NRG1: variants seen among roughly 807,000 people sequenced by gnomAD.
NRG1 encodes neuregulin 1, also known as pro-neuregulin-1, membrane-bound isoform.
A neutral mutation model predicts 63.8 loss-of-function variants in NRG1; 18 were observed. That is an observed-to-expected ratio of 0.28 (90% CI 0.19 to 0.42). NRG1 has a LOEUF of 0.42. NRG1 is among the 10% of genes least tolerant of loss of function. NRG1 has a pLI of 1.00. For missense variants in NRG1, 762 were observed against 814.7 expected, an observed-to-expected ratio of 0.94 and a Z score of 0.79; for synonymous variants, 302 against 301.3, an observed-to-expected ratio of 1.00 and a Z score of -0.02.
intron 7 of NRG1, chr8:32,749,633 G>T: frequency 6.3e-7 from 1 of 1,589,990 alleles, no homozygotes; most frequent in South Asian, 1.1e-5. Context: ...TAGAGCCTAT[G>T]AGCTGAAATC....
At chr8:32,252,496 G>A (rs905288657) in intron 1 of NRG1, among the ~76,000 whole-genome samples, 4 of 152,164 alleles carry the variant, frequency 2.6e-5, no homozygotes, top group South Asian at 2.1e-4. Flanking sequence ...TAAAAAATCA[G>A]ATAGTTGTAG....
intron 1 of NRG1, among the ~76,000 whole-genome samples, chr8:31,699,838 A>G (rs2131181943): frequency 6.6e-6 from 1 of 152,288 alleles, no homozygotes; most frequent in Admixed American, 6.5e-5. Flanking sequence ...ACTGAGTGGG[A>G]GAGGCAGAGG....
chr8:32,024,091 C>G (rs1816872949), intron 1 of NRG1, among the ~76,000 whole-genome samples: 1 of 152,178 alleles, frequency 6.6e-6, no homozygotes, highest in African/African-American at 2.4e-5. Flanking sequence ...CTTCATTGCC[C>G]TGCCTAAACT....
chr8:32,756,077 A>G (rs1194514562), intron 8 of NRG1, among the ~76,000 whole-genome samples: 1 of 152,188 alleles, frequency 6.6e-6, no homozygotes, highest in African/African-American at 2.4e-5. Context: ...ATAAGTGTCC[A>G]TTTGTAAGAC....
At chr8:32,532,962 G>GT (rs1831600775) in intron 1 of NRG1, among the ~76,000 whole-genome samples, 1 of 151,350 alleles carries the variant, frequency 6.6e-6, no homozygotes, top group Non-Finnish European at 1.5e-5. Flanking sequence ...ATATTCATGT[G>GT]TATGTTTTGG....
chr8:32,323,100 T>G (rs2129476918), intron 1 of NRG1, among the ~76,000 whole-genome samples: 1 of 152,164 alleles, frequency 6.6e-6, no homozygotes, highest in South Asian at 2.1e-4. Context: ...TACACAAAGC[T>G]TTAAAAAAAG....
intron 5 of NRG1, among the ~76,000 whole-genome samples, chr8:32,648,565 C>T (rs1854231256): frequency 2.6e-5 from 4 of 152,244 alleles, no homozygotes; most frequent in Middle Eastern, 6.8e-3. Context: ...TTGCAAACTC[C>T]GGATCTGAAC....
At chr8:31,695,402 T>G (rs923819765) in intron 1 of NRG1, among the ~76,000 whole-genome samples, 1 of 152,234 alleles carries the variant, frequency 6.6e-6, no homozygotes, top group African/African-American at 2.4e-5. Flanking sequence ...ACTCCTGGCC[T>G]TAAGTGATCT....
chr8:31,754,423 C>T (rs1461289960), intron 1 of NRG1, among the ~76,000 whole-genome samples: 1 of 152,050 alleles, frequency 6.6e-6, no homozygotes, highest in Non-Finnish European at 1.5e-5. Context: ...GGCCGTGTGA[C>T]GTGGCTACAC....
At chr8:32,068,467 T>G (rs1378033430) in intron 1 of NRG1, among the ~76,000 whole-genome samples, 1 of 152,156 alleles carries the variant, frequency 6.6e-6, no homozygotes, top group Non-Finnish European at 1.5e-5. Flanking sequence ...AAGACATGCA[T>G]GAAAGGCCAC....
chr8:32,614,646 C>G (rs568126472), intron 4 of NRG1, 82 bp downstream of exon 4: 410 of 1,261,726 alleles, frequency 3.2e-4, no homozygotes, highest in Non-Finnish European at 4.3e-4. Flanking sequence ...AATCAGAACC[C>G]CTTCTGCATC....
chr8:32,142,067 T>G (rs1319171363), intron 1 of NRG1, among the ~76,000 whole-genome samples: 2 of 152,138 alleles, frequency 1.3e-5, no homozygotes, highest in African/African-American at 4.8e-5. Context: ...CTATTTGCAC[T>G]GCATGAAAAC....
chr8:32,164,641 A>AGT lies in NRG1; in HGVS notation c.38-431187_38-431186insGT, dbSNP rs879531962. 4.4e-3 allele frequency among the ~76,000 whole-genome samples: 673 copies of AGT among 152,316 alleles called. 2 individuals carry two copies. The highest frequency in any genetic ancestry group is 7.4e-3 in the Non-Finnish European group (505 of 68,032). ...TTTAAAACTACCATCCATTGTCATC[A>AGT]TTATTCCATAAAAAGAGGTATTTTA... On this transcript the variant is annotated intron_variant, in intron 1 of 10. Transcript: ENST00000519301.
At chr8:31,861,429 G>T (rs1054132975) in intron 1 of NRG1, among the ~76,000 whole-genome samples, 1 of 151,934 alleles carries the variant, frequency 6.6e-6, no homozygotes, top group African/African-American at 2.4e-5. Context: ...AAAAGAATTT[G>T]TTTTCTTTTT....
intron 5 of NRG1, among the ~76,000 whole-genome samples, chr8:32,644,693 C>A (rs375023348): frequency 6.6e-6 from 1 of 152,176 alleles, no homozygotes; most frequent in South Asian, 2.1e-4. Flanking sequence ...TTGTGGCAGT[C>A]CATAGGATTC....
intron 1 of NRG1, among the ~76,000 whole-genome samples, chr8:31,770,339 C>G (rs1818484414): frequency 6.6e-6 from 1 of 151,994 alleles, no homozygotes; most frequent in Non-Finnish European, 1.5e-5. Context: ...TTTGTTTTGT[C>G]ATTTATCCTG....
chr8:31,878,183 G>T (rs149214071), intron 1 of NRG1, among the ~76,000 whole-genome samples: 1 of 152,226 alleles, frequency 6.6e-6, no homozygotes, highest in Admixed American at 6.5e-5. Context: ...CAGGCACCCA[G>T]GACTTTGCTA....
chr8:31,985,136 A>C (rs897264401), intron 1 of NRG1, among the ~76,000 whole-genome samples: 11 of 152,084 alleles, frequency 7.2e-5, no homozygotes, highest in Admixed American at 2.0e-4. Context: ...TGAGGTTCGT[A>C]ATCTGTTTTT....
chr8:32,087,209 G>A (rs1457942338), intron 1 of NRG1, among the ~76,000 whole-genome samples: 2 of 152,084 alleles, frequency 1.3e-5, no homozygotes, highest in African/African-American at 2.4e-5. Flanking sequence ...AGATTGGATC[G>A]TGGGGGCAGA....
Sources: gnomAD v4.1 joint callset for allele counts (sites outside exome capture counted in the v4.1 genomes callset) on GRCh38, gnomAD v4.1.1 for gene constraint, MANE v1.5 for transcripts, NCBI Gene and HGNC (gene_info 2026-07-23, HGNC 2026-07-21) for gene names.